The following SKIL variants were observed in gnomAD, a reference collection of about 807,000 sequenced individuals.
SKIL encodes the protein SKI like proto-oncogene, also known as ski-like protein.
A neutral mutation model predicts 69.6 loss-of-function variants in SKIL; 20 were observed. The ratio of observed to expected loss-of-function variants is 0.29; its 90% CI spans 0.20 to 0.42. The LOEUF (loss-of-function observed/expected upper bound fraction) is 0.42. SKIL is among the 10% of genes least tolerant of loss of function. The pLI, the probability that SKIL is intolerant of heterozygous loss-of-function variation, is 1.00. For missense variants in SKIL, 745 were observed against 783.1 expected, an observed-to-expected ratio of 0.95 and a Z score of 0.58; for synonymous variants, 310 against 279.9, an observed-to-expected ratio of 1.11 and a Z score of -1.08.
intron 2 of SKIL, among the ~76,000 whole-genome samples, chr3:170,369,631 A>G (rs983878675): frequency 1.3e-5 from 2 of 152,002 alleles, no homozygotes; most frequent in Non-Finnish European, 2.9e-5. Flanking sequence ...CGAACTCCGT[A>G]CCTCAGGTGA....
At chr3:170,387,329 C>T (rs1253971453) in intron 4 of SKIL, among the ~76,000 whole-genome samples, 1 of 152,154 alleles carries the variant, frequency 6.6e-6, no homozygotes, top group East Asian at 1.9e-4. Flanking sequence ...TTAGGAGTCA[C>T]TCCCTGATTC....
downstream of SKIL, chr3:170,396,843 C>G (rs1337394492): frequency 1.3e-5 from 2 of 152,174 alleles, no homozygotes; most frequent in Admixed American, 6.6e-5. Context: ...AAATTTGATT[C>G]AAGTTATTTC....
chr3:170,374,001 T>G (rs1736910499), intron 2 of SKIL, among the ~76,000 whole-genome samples: 1 of 152,200 alleles, frequency 6.6e-6, no homozygotes, highest in Non-Finnish European at 1.5e-5. Context: ...GACAAGAAGT[T>G]TTTTGTAAAT....
intron 2 of SKIL, among the ~76,000 whole-genome samples, chr3:170,372,730 C>A (rs1736850101): frequency 6.6e-6 from 1 of 151,962 alleles, no homozygotes. Flanking sequence ...GCAAAAAGAC[C>A]CTGATGAGAT....
chr3:170,374,013 A>G (rs2108205125), intron 2 of SKIL, among the ~76,000 whole-genome samples: 2 of 152,330 alleles, frequency 1.3e-5, no homozygotes, highest in East Asian at 3.9e-4. Context: ...TTTGTAAATG[A>G]AATCAAGCTC....
chr3:170,390,278 C>T lies in SKIL; in HGVS notation c.1485C>T (p.Cys495=). 6.2e-7 allele frequency: 1 copy of T among 1,612,754 alleles called. No homozygotes were observed. The highest frequency in any genetic ancestry group is 8.5e-7 in the Non-Finnish European group (1 of 1,178,808). The change falls in exon 5 of 7, where the codon TGC becomes TGT. Residue 495 remains cysteine (C), a synonymous_variant. Coordinates refer to ENST00000259119, the MANE Select transcript of SKIL (RefSeq NM_005414.5). The part of the protein sequence containing the change: ...TSKRKSESAT[C]NLVRDINKVG... Reference sequence around the variant, plus strand: ...AAAGGAAATCTGAGTCTGCCACTTGCAACTTAGTCAGAGACATAAACAAAG... The same window carrying T: ...AAAGGAAATCTGAGTCTGCCACTTGTAACTTAGTCAGAGACATAAACAAAG...
At chr3:170,366,698 C>CACACAGACACAG (rs769947832) in intron 2 of SKIL, among the ~76,000 whole-genome samples, 2 of 148,082 alleles carry the variant, frequency 1.4e-5, no homozygotes, top group Admixed American at 6.7e-5. Context: ...CACACACAGA[C>CACACAGACACAG]ACACACACAC....
intron 4 of SKIL, among the ~76,000 whole-genome samples, chr3:170,386,135 G>C (rs1737620154): frequency 6.7e-6 from 1 of 149,176 alleles, no homozygotes; most frequent in African/African-American, 2.5e-5. Flanking sequence ...TTGTTTGTTT[G>C]TTTGTTTGTT....
intron 4 of SKIL, among the ~76,000 whole-genome samples, chr3:170,385,824 G>A (rs1313561664): frequency 6.8e-6 from 1 of 146,168 alleles, no homozygotes; most frequent in African/African-American, 2.6e-5. Flanking sequence ...TTTTTTTTGA[G>A]GAGTTTCACT....
chr3:170,385,739 A>T (rs772460594), intron 4 of SKIL, among the ~76,000 whole-genome samples: 2 of 150,634 alleles, frequency 1.3e-5, no homozygotes. Context: ...AGGGTCCTCT[A>T]TTTATTTAAG....
At chr3:170,392,181 A>T in intron 6 of SKIL, 78 bp from the exon 7 acceptor site, 1 of 1,175,020 alleles carries the variant, frequency 8.5e-7, no homozygotes, top group South Asian at 1.7e-5. Context: ...TAATTTGAAA[A>T]TAGATATTTT....
intron 2 of SKIL, among the ~76,000 whole-genome samples, chr3:170,372,750 TC>T (rs1168819176): frequency 6.6e-6 from 1 of 152,204 alleles, no homozygotes; most frequent in Non-Finnish European, 1.5e-5. Context: ...TATATTCACT[TC>T]CTGTGTATCC....
intron 2 of SKIL, among the ~76,000 whole-genome samples, chr3:170,367,101 TTTTG>T (rs374010874): frequency 7.0e-4 from 106 of 152,296 alleles, no homozygotes; most frequent in South Asian, 2.1e-3. Flanking sequence ...TCTTCACTTT[TTTTG>T]TTTGTTTGTT....
rs1394892868 is a variant in SKIL at position 170,360,207 on chromosome 3, G to C, written c.-125G>C. 7.4e-6 allele frequency: 7 copies of C among 941,972 alleles called. No individual in the cohort carries two copies. Among genetic ancestry groups the C allele is most frequent in the Non-Finnish European group, 1.1e-5 (7 of 640,046 alleles). 58.4% of individuals were successfully genotyped at this position (941,972 alleles called of 1,614,324 possible). On this transcript the variant is annotated 5_prime_UTR_variant, in exon 2 of 7. Transcript: ENST00000259119. ...AAATTTATTAATTTAAGGGGCTCTC[G>C]CTTTGAAAGTTTGAGAGTAAGTTAC...
intron 2 of SKIL, among the ~76,000 whole-genome samples, chr3:170,379,981 G>C (rs1222810288): frequency 3.3e-5 from 5 of 152,108 alleles, no homozygotes; most frequent in African/African-American, 1.2e-4. Flanking sequence ...TTTCTCATCT[G>C]TAAAATGGTA....
chr3:170,361,232 C>G lies in SKIL; in HGVS notation c.901C>G (p.Gln301Glu). The G allele has an allele frequency of 1.2e-6, 2 of 1,614,182 alleles. No individual in the cohort carries two copies. Among genetic ancestry groups the G allele is most frequent in the Non-Finnish European group, 1.7e-6 (2 of 1,180,030 alleles). Residue 301 changes from glutamine to glutamate, a missense_variant, in exon 2 of 7, where the codon CAG (glutamine) becomes GAG (glutamate). Transcript: ENST00000259119. ...CLECCGMFAPQTFVMHSHRSP... is the reference protein window; with the variant it reads ...CLECCGMFAPETFVMHSHRSP... ...GGAGTGTTGTGGAATGTTTGCACCC[C>G]AGACGTTTGTGATGCATTCTCACAG... is the stretch of plus-strand genomic sequence containing the variant.
chr3:170,361,742 CTTT>C (rs11321256), intron 2 of SKIL, among the ~76,000 whole-genome samples: 17 of 136,038 alleles, frequency 1.2e-4, no homozygotes, highest in Non-Finnish European at 1.3e-4. Flanking sequence ...GTTAGGGCTT[CTTT>C]TTTTTTTTTT....
At chr3:170,364,300 G>C in intron 2 of SKIL, among the ~76,000 whole-genome samples, 1 of 132,578 alleles carries the variant, frequency 7.5e-6, no homozygotes, top group African/African-American at 2.8e-5. Context: ...GCCAGATATT[G>C]TTGCTCCCGT....
chr3:170,385,225 A>T (rs1737557794), intron 4 of SKIL, among the ~76,000 whole-genome samples: 1 of 150,104 alleles, frequency 6.7e-6, no homozygotes, highest in Non-Finnish European at 1.5e-5. Context: ...CCAGAGGCGC[A>T]CACCACTGTG....
Sources: gnomAD v4.1 joint callset for allele counts (sites outside exome capture counted in the v4.1 genomes callset) on GRCh38, gnomAD v4.1.1 for gene constraint, MANE v1.5 for transcripts, NCBI Gene and HGNC (gene_info 2026-07-23, HGNC 2026-07-21) for gene names.